The following MAPK12 variants were observed in gnomAD, a reference collection of about 807,000 sequenced individuals.
MAPK12 encodes mitogen-activated protein kinase 12.
Under a neutral mutation model 49.1 loss-of-function variants are expected in MAPK12, and 49 were observed. The observed-to-expected ratio is 1.00, with a 90% CI of 0.79 to 1.27. The LOEUF is 1.27. Among genes scored for constraint, MAPK12 ranks in the 50% most tolerant of loss-of-function variants. The pLI is 0.00. For missense variants in MAPK12, 554 were observed against 502.4 expected, an observed-to-expected ratio of 1.10 and a Z score of -0.98; for synonymous variants, 251 against 209.7, an observed-to-expected ratio of 1.20 and a Z score of -1.70.
chr22:50,257,921 C>T (rs1394168054), intron 3 of MAPK12: 1 of 774,378 alleles, frequency 1.3e-6, no homozygotes, highest in East Asian at 2.4e-5. Context: ...ACACTTGGTG[C>T]CAGGGTCCCG....
chr22:50,261,150 G>A lies in MAPK12; in HGVS notation c.255+17C>T. ...CGAGGCCGCGGCGCCTTCCCGGAGC[G>A]GGGCCGCGCGACTCACGTTCTCGTG... On this transcript the variant is annotated intron_variant, in intron 2 of 11. Coordinates refer to ENST00000215659, the MANE Select transcript of MAPK12 (RefSeq NM_002969.6). 1.3e-6 allele frequency: 2 copies of A among 1,571,024 alleles called. No homozygotes were observed. The highest frequency in any genetic ancestry group is 1.2e-5 in the South Asian group (1 of 86,842).
intron 2 of MAPK12, 192 bp downstream of exon 2, chr22:50,260,975 C>G (rs2272855): frequency 3.5e-6 from 2 of 570,358 alleles, no homozygotes; most frequent in African/African-American, 4.0e-5. Context: ...GGATGGGGAA[C>G]GGCCCTTGGG....
chr22:50,254,155 G>C (rs1162718538), intron 11 of MAPK12: 5 of 153,082 alleles, frequency 3.3e-5, no homozygotes, highest in African/African-American at 1.2e-4. Flanking sequence ...CGGGAGCTGG[G>C]GAGGCTTCTC....
rs548403491 is a variant in MAPK12 at position 50,257,212 on chromosome 22, C to T, written c.315-19G>A. 2.3e-5 allele frequency: 36 copies of T among 1,593,218 alleles called. No individual in the cohort carries two copies. Among genetic ancestry groups the T allele is most frequent in the African/African-American group, 1.7e-4 (13 of 74,672 alleles). On this transcript the variant is annotated intron_variant, in intron 3 of 11. Coordinates refer to ENST00000215659, the MANE Select transcript of MAPK12 (RefSeq NM_002969.6). ...CAGGTAACTGTGGGAGGGGCCGGAGCGCTGTCAGCGGACAGAGCCAGCCTC... is the reference window on the plus strand; with the variant it reads ...CAGGTAACTGTGGGAGGGGCCGGAGTGCTGTCAGCGGACAGAGCCAGCCTC...
chr22:50,254,562 G>A (rs71318413), intron 11 of MAPK12: 3 of 780,802 alleles, frequency 3.8e-6, no homozygotes, highest in Non-Finnish European at 4.7e-6. Context: ...TGAGGCAGGA[G>A]AACGGTGTGT....
At chr22:50,255,155 C>A (rs111600690) in intron 11 of MAPK12, 42 bp downstream of exon 11, 101 of 1,609,138 alleles carry the variant, frequency 6.3e-5, no homozygotes, top group Non-Finnish European at 7.6e-5. Flanking sequence ...CAGAGCCCCC[C>A]ACTTGGGTCC....
At chr22:50,256,570 C>T in intron 6 of MAPK12, 29 bp downstream of exon 6, 1 of 1,605,220 alleles carries the variant, frequency 6.2e-7, no homozygotes, top group Non-Finnish European at 8.5e-7. Context: ...CCTGCCCCAC[C>T]TCAGGGCCCC....
chr22:50,259,318 C>A (rs553632400), intron 2 of MAPK12, among the ~76,000 whole-genome samples: 1 of 152,064 alleles, frequency 6.6e-6, no homozygotes, highest in Non-Finnish European at 1.5e-5. Flanking sequence ...TAGCAGAAGA[C>A]GGAGAGCAGG....
chr22:50,253,587 T>TTTA, intron 11 of MAPK12, 107 bp from the exon 12 acceptor site: 1 of 686,070 alleles, frequency 1.5e-6, no homozygotes, highest in Non-Finnish European at 2.7e-6. Flanking sequence ...GGGGCCCTTC[T>TTTA]CTAATCCTAA....
chr22:50,257,618 G>A, intron 3 of MAPK12: 1 of 567,648 alleles, frequency 1.8e-6, no homozygotes, highest in Non-Finnish European at 3.2e-6. Flanking sequence ...AGGTGCCTGG[G>A]GGCGATGGGG....
chr22:50,253,079 G>A lies in MAPK12; in HGVS notation c.*322C>T. On this transcript the variant is annotated 3_prime_UTR_variant, in exon 12 of 12. Coordinates refer to ENST00000215659, the MANE Select transcript of MAPK12 (RefSeq NM_002969.6). ...CTCTGCATGGCCCAGAGCAGGCAGGGCTCAGAGGCCAAGGCCTGATCTGGA... is the reference window on the plus strand; with the variant it reads ...CTCTGCATGGCCCAGAGCAGGCAGGACTCAGAGGCCAAGGCCTGATCTGGA... 2.4e-6 allele frequency: 1 copy of A among 417,978 alleles called. No homozygotes were observed. Among genetic ancestry groups the A allele is most frequent in the Non-Finnish European group, 4.5e-6 (1 of 221,300 alleles). 25.9% of individuals were successfully genotyped at this position (417,978 alleles called of 1,614,324 possible).
At chr22:50,254,023 A>G (rs970892010) in intron 11 of MAPK12, 7 of 157,316 alleles carry the variant, frequency 4.4e-5, no homozygotes, top group African/African-American at 1.7e-4. Context: ...CCCAGTGTAC[A>G]CCTACTTTCC....
chr22:50,260,318 T>G (rs890273250), intron 2 of MAPK12, among the ~76,000 whole-genome samples: 3 of 150,948 alleles, frequency 2.0e-5, no homozygotes, highest in African/African-American at 7.3e-5. Context: ...CCCAGGAGGG[T>G]CCAGAGCATC....
chr22:50,261,350 C>T (rs2065211807), intron 1 of MAPK12, 35 bp downstream of exon 1: 2 of 1,132,326 alleles, frequency 1.8e-6, no homozygotes, highest in African/African-American at 3.3e-5. Context: ...AGGCCCCGCC[C>T]GCCCCGCCGG....
In MAPK12 at chr22:50,261,680, TC is replaced by T; in HGVS notation, c.-172del. On this transcript the variant is annotated 5_prime_UTR_variant, in exon 1 of 12. Transcript: ENST00000215659. ...GCTCCCGGCCCTTCCCTCAGGGATG[TC>T]CCAGGTGCCGACCCCGGCCCGACCC... 1.3e-6 allele frequency: 1 copy of T among 741,502 alleles called. No individual in the cohort carries two copies. Among genetic ancestry groups the T allele is most frequent in the Non-Finnish European group, 1.6e-6 (1 of 607,178 alleles). 45.9% of individuals were successfully genotyped at this position (741,502 alleles called of 1,614,324 possible). A position where few individuals can be genotyped will look rare whatever the true frequency, so the allele number is the denominator to read the frequency against.
chr22:50,254,931 G>C lies in MAPK12; in HGVS notation c.1024+266C>G, dbSNP rs979478509. The stretch of plus-strand genomic sequence containing the variant: ...CTTCAACTTCCAGCTCCAGCCAGAG[G>C]TCATCTCCACCAGGCCACACGGCCC... On this transcript the variant is annotated intron_variant, in intron 11 of 11. Transcript: ENST00000215659. 3.7e-6 allele frequency: 5 copies of C among 1,358,586 alleles called. No individual in the cohort carries two copies. The African/African-American group carries it at 4.4e-5, about 12-fold the overall frequency. 84.2% of individuals were successfully genotyped at this position (1,358,586 alleles called of 1,614,324 possible). A position where few individuals can be genotyped will look rare whatever the true frequency, so the allele number is the denominator to read the frequency against.
intron 7 of MAPK12, 95 bp from the exon 8 acceptor site, chr22:50,255,976 C>A: frequency 6.7e-7 from 1 of 1,498,262 alleles, no homozygotes; most frequent in Non-Finnish European, 9.2e-7. Flanking sequence ...CCGGCTCCCA[C>A]CCCAGCTCAA....
In MAPK12 at chr22:50,261,348, CCCGCCCCGCCGG is replaced by C. The variant is rs771441777; in HGVS notation, c.125+25_125+36del. On this transcript the variant is annotated intron_variant, in intron 1 of 11. Transcript: ENST00000215659. Reference sequence around the variant, plus strand: ...GGCCGGGCACCCCGCGCAGGCCCCGCCCGCCCCGCCGGCCGCCCCGCCCGGCCCGCGCTCACC... The same window carrying C: ...GGCCGGGCACCCCGCGCAGGCCCCGCCCGCCCCGCCCGGCCCGCGCTCACC... 199 of 1,135,638 alleles carry C rather than the reference CCCGCCCCGCCGG, an allele frequency of 1.8e-4. 3 individuals carry two copies. In the Middle Eastern group the frequency reaches 5.4e-3, roughly 31 times the overall value. 70.3% of individuals were successfully genotyped at this position (1,135,638 alleles called of 1,614,324 possible).
chr22:50,255,460 G>A lies in MAPK12; in HGVS notation c.843C>T (p.Ser281=), dbSNP rs2066770. Residue 281 remains serine (S), a synonymous_variant, in exon 10 of 12, where the codon AGC becomes AGT. Coordinates refer to ENST00000215659, the MANE Select transcript of MAPK12 (RefSeq NM_002969.6). The part of the protein sequence containing the change: ...KDFASILTNA[S]PLAVNLLEKM... ...CACACTAGCCAGCCGTACCCAGAGG[G>A]CTTGCATTGGTCAGGATAGAGGCAA... 0.02 allele frequency: 32,294 copies of A among 1,613,114 alleles called. 628 individuals are homozygous for A. The highest frequency in any genetic ancestry group is 0.1 in the East Asian group (4,534 of 44,874).
Sources: allele counts gnomAD v4.1 joint callset (sites outside exome capture counted in the v4.1 genomes callset), GRCh38; gene constraint gnomAD v4.1.1; transcripts MANE v1.5; gene names NCBI Gene and HGNC (gene_info 2026-07-23, HGNC 2026-07-21).